SPATA1: variants seen among roughly 807,000 people sequenced by gnomAD.
The protein encoded by SPATA1 is spermatogenesis associated 1, also known as spermatogenesis-associated protein 1.
SPATA1 carries 57 observed loss-of-function variants against 59.6 expected under a neutral mutation model. The ratio of observed to expected loss-of-function variants is 0.96; its 90% CI spans 0.77 to 1.19. The LOEUF is 1.19. SPATA1 is among the 50% of genes most tolerant of loss of function. The pLI, the probability that SPATA1 is intolerant of heterozygous loss-of-function variation, is 0.00. For missense variants in SPATA1, 448 were observed against 480.7 expected (o/e 0.93, Z 0.64); for synonymous variants, 147 against 163.9 (o/e 0.90, Z 0.79).
chr1:84,526,038 C>G (rs1156721616), exon 6 of SPATA1: 1 of 1,612,368 alleles, frequency 6.2e-7, no homozygotes, highest in Non-Finnish European at 8.5e-7. Flanking sequence ...TTAGAAAACA[C>G]TTTGAAAGAG....
intron 6 of SPATA1, 113 bp from the exon 7 acceptor site, chr1:84,532,747 G>A (rs1268744349): frequency 3.1e-6 from 2 of 644,426 alleles, no homozygotes; most frequent in Admixed American, 3.0e-5. Context: ...AAGTTCATGG[G>A]GATTCTGAAA....
intron 2 of SPATA1, among the ~76,000 whole-genome samples, chr1:84,518,142 TA>T (rs1682872353): frequency 6.6e-6 from 1 of 152,064 alleles, no homozygotes; most frequent in South Asian, 2.1e-4. Flanking sequence ...CAATATCTTT[TA>T]AAAAGTCAAT....
At chr1:84,536,550 TC>T (rs1159065756) in intron 8 of SPATA1, among the ~76,000 whole-genome samples, 1 of 152,202 alleles carries the variant, frequency 6.6e-6, no homozygotes, top group African/African-American at 2.4e-5. Context: ...TGCATGCCAT[TC>T]TCCTGCCTCA....
rs751117358 is a variant in SPATA1 at position 84,560,083 on chromosome 1, C to CA, written n.442+4121dup. ...TGGGCGACAGAGCAAGACTCTGTCT[C>CA]AAAAAAAAAAAAAAAAAGAAAGAAA... On this transcript the variant is annotated intron_variant and non_coding_transcript_variant, in intron 4 of 4. Coordinates refer to the SPATA1 transcript ENST00000460286. Among the ~76,000 whole-genome samples, 119 of 61,298 alleles carry CA rather than the reference C, an allele frequency of 1.9e-3. 3 individuals carry two copies. The highest frequency in any genetic ancestry group is 2.9e-3 in the Non-Finnish European group (91 of 31,460). The allele number at this position is 61,298 out of a possible 152,430, so 40.2% of individuals were successfully genotyped here.
chr1:84,531,645 C>G (rs892377312), intron 6 of SPATA1, among the ~76,000 whole-genome samples: 1 of 145,588 alleles, frequency 6.9e-6, no homozygotes, highest in African/African-American at 2.6e-5. Context: ...GTGATCATGG[C>G]TCACTACAGC....
chr1:84,551,631 A>G (rs1464582509), intron 12 of SPATA1: 1 of 152,144 alleles, frequency 6.6e-6, no homozygotes, highest in Non-Finnish European at 1.5e-5. Context: ...TTCTTTTTAC[A>G]AGCAGCATTC....
chr1:84,528,168 A>C (rs889029615), intron 6 of SPATA1, among the ~76,000 whole-genome samples: 6 of 152,202 alleles, frequency 3.9e-5, no homozygotes, highest in African/African-American at 1.4e-4. Flanking sequence ...TCTCCAGTAG[A>C]GATAACTACT....
chr1:84,520,244 G>A (rs570280667), intron 2 of SPATA1: 1 of 215,478 alleles, frequency 4.6e-6, no homozygotes, highest in Admixed American at 6.2e-5. Flanking sequence ...CTGAGTAGGT[G>A]GGGAGTGAGG....
chr1:84,517,376 A>G lies in SPATA1; in HGVS notation c.36+981A>G, dbSNP rs1329981658. Among the ~76,000 whole-genome samples, 2 of 152,116 alleles carry G rather than the reference A, an allele frequency of 1.3e-5. 1 individual carries two copies. Among genetic ancestry groups the G allele is most frequent in the Non-Finnish European group, 2.9e-5 (2 of 68,000 alleles). ...CTCATCTAGTCTAACAGATTTAAAT[A>G]CCAACTTTATGCCAAGGATTTCCAA... is the stretch of plus-strand genomic sequence containing the variant. On this transcript the variant is annotated intron_variant, in intron 2 of 12. Transcript: ENST00000490879.
At chr1:84,552,479 C>G (rs1684304135) in intron 12 of SPATA1, 1 of 151,878 alleles carries the variant, frequency 6.6e-6, no homozygotes, top group Non-Finnish European at 1.5e-5. Context: ...TTATCTTGAG[C>G]AAGTTACTTA....
chr1:84,538,484 T>C (rs1570437076), intron 8 of SPATA1, among the ~76,000 whole-genome samples: 1 of 152,184 alleles, frequency 6.6e-6, no homozygotes, highest in East Asian at 1.9e-4. Context: ...ATATGTTTCT[T>C]AGGGGGTAGG....
chr1:84,538,902 C>G (rs1683812198), intron 8 of SPATA1, among the ~76,000 whole-genome samples: 1 of 152,144 alleles, frequency 6.6e-6, no homozygotes, highest in African/African-American at 2.4e-5. Context: ...CAGACTCAAT[C>G]CATCCTCCCA....
intron 8 of SPATA1, among the ~76,000 whole-genome samples, chr1:84,543,440 T>C (rs1291220624): frequency 6.6e-6 from 1 of 152,080 alleles, no homozygotes; most frequent in East Asian, 1.9e-4. Context: ...CATGGCATCA[T>C]CTGCTTCTGG....
At chr1:84,563,092 AGTTCCT>A (rs1684625033) in intron 4 of SPATA1, among the ~76,000 whole-genome samples, 1 of 152,236 alleles carries the variant, frequency 6.6e-6, no homozygotes, top group South Asian at 2.1e-4. Flanking sequence ...AGGGAACTAA[AGTTCCT>A]GATTACAGAT....
downstream of SPATA1, among the ~76,000 whole-genome samples, chr1:84,566,647 G>T (rs961424893): frequency 2.6e-5 from 4 of 151,740 alleles, no homozygotes; most frequent in Admixed American, 6.6e-5. Context: ...TTTCTTTTTT[G>T]GGGGGGATGG....
intron 1 of SPATA1, among the ~76,000 whole-genome samples, chr1:84,509,116 C>G (rs1682416537): frequency 6.6e-6 from 1 of 151,746 alleles, no homozygotes; most frequent in Non-Finnish European, 1.5e-5. Context: ...CAAAGTTACC[C>G]TGAGCCAAAA....
intron 8 of SPATA1, among the ~76,000 whole-genome samples, chr1:84,538,161 G>C (rs1393121896): frequency 1.3e-5 from 2 of 152,164 alleles, no homozygotes; most frequent in African/African-American, 4.8e-5. Context: ...AGATTAATGG[G>C]CCTTAGTGTC....
At chr1:84,536,881 C>CTTTTTT (rs34058475) in intron 8 of SPATA1, among the ~76,000 whole-genome samples, 3 of 105,772 alleles carry the variant, frequency 2.8e-5, no homozygotes, top group Non-Finnish European at 4.1e-5. Flanking sequence ...TTTCTTTTTT[C>CTTTTTT]TTTTTTTTTT....
chr1:84,528,885 A>G (rs1358145307), intron 6 of SPATA1, among the ~76,000 whole-genome samples: 2 of 152,158 alleles, frequency 1.3e-5, no homozygotes, highest in African/African-American at 2.4e-5. Context: ...TCTGCTCCAC[A>G]TTTTGGAAAA....
Sources: gnomAD v4.1 joint callset for allele counts (sites outside exome capture counted in the v4.1 genomes callset) on GRCh38, gnomAD v4.1.1 for gene constraint, MANE v1.5 for transcripts, NCBI Gene and HGNC (gene_info 2026-07-23, HGNC 2026-07-21) for gene names.